The following UNC5D variants were observed in gnomAD, a reference collection of about 807,000 sequenced individuals.
UNC5D encodes netrin receptor UNC5D.
In UNC5D, 39 loss-of-function variants were observed where a neutral mutation model predicts 105.4. That is an observed-to-expected ratio of 0.37 (90% CI 0.29 to 0.48). The LOEUF (loss-of-function observed/expected upper bound fraction) is 0.48. Ranked by LOEUF, UNC5D falls within the 20% of genes least tolerant of loss-of-function variation. The pLI, the probability that UNC5D is intolerant of heterozygous loss-of-function variation, is 0.98. For synonymous variants in UNC5D, 452 were observed against 450.4 expected (o/e 1.00, Z -0.04); for missense variants, 991 against 1,202.4 (o/e 0.82, Z 2.60).
chr8:35,306,654 T>C (rs1254647825), intron 1 of UNC5D, among the ~76,000 whole-genome samples: 1 of 152,140 alleles, frequency 6.6e-6, no homozygotes, highest in Non-Finnish European at 1.5e-5. Context: ...TTACTTTAGA[T>C]TTACATTGGG....
At chr8:35,455,706 C>T (rs1585882897) in intron 1 of UNC5D, among the ~76,000 whole-genome samples, 1 of 151,504 alleles carries the variant, frequency 6.6e-6, no homozygotes, top group Non-Finnish European at 1.5e-5. Context: ...CTGTAATGGA[C>T]TCACCATTCC....
chr8:35,405,085 T>C (rs1327144200), intron 1 of UNC5D, among the ~76,000 whole-genome samples: 2 of 152,202 alleles, frequency 1.3e-5, no homozygotes, highest in East Asian at 3.8e-4. Context: ...TAAAGCTTTT[T>C]AGAAACAATA....
intron 2 of UNC5D, among the ~76,000 whole-genome samples, chr8:35,561,420 T>C (rs1357896937): frequency 6.6e-6 from 1 of 152,204 alleles, no homozygotes; most frequent in Non-Finnish European, 1.5e-5. Context: ...TCTGGCTCTA[T>C]GTGGCTTGCT....
chr8:35,431,860 T>C (rs1585829034), intron 1 of UNC5D, among the ~76,000 whole-genome samples: 1 of 152,088 alleles, frequency 6.6e-6, no homozygotes, highest in South Asian at 2.1e-4. Context: ...CGGATTTAAC[T>C]CAAATAATAG....
chr8:35,373,579 G>A (rs549872879), intron 1 of UNC5D, among the ~76,000 whole-genome samples: 4 of 152,272 alleles, frequency 2.6e-5, no homozygotes, highest in Admixed American at 2.0e-4. Context: ...GTGCGATAAA[G>A]CTGACAATTC....
At chr8:35,408,389 T>C (rs1554524333) in intron 1 of UNC5D, among the ~76,000 whole-genome samples, 1 of 151,530 alleles carries the variant, frequency 6.6e-6, no homozygotes. Flanking sequence ...ATTTTAACAA[T>C]GATAGTCTTA....
At chr8:35,606,350 A>G (rs900651879) in intron 4 of UNC5D, among the ~76,000 whole-genome samples, 24 of 152,284 alleles carry the variant, frequency 1.6e-4, no homozygotes, top group African/African-American at 5.8e-4. Context: ...TGACCGAACC[A>G]ATATTGATAC....
chr8:35,595,010 T>TA (rs1443019029), intron 3 of UNC5D, among the ~76,000 whole-genome samples: 1 of 152,232 alleles, frequency 6.6e-6, no homozygotes, highest in East Asian at 1.9e-4. Flanking sequence ...GGATAGGTTA[T>TA]AGATTTTGTT....
chr8:35,319,960 C>T (rs1375712591), intron 1 of UNC5D, among the ~76,000 whole-genome samples: 1 of 152,058 alleles, frequency 6.6e-6, no homozygotes, highest in Non-Finnish European at 1.5e-5. Flanking sequence ...TCTAGACTCA[C>T]TGACCGTAAG....
chr8:35,725,685 T>C (rs914291103), intron 9 of UNC5D, among the ~76,000 whole-genome samples: 2 of 152,148 alleles, frequency 1.3e-5, no homozygotes, highest in Admixed American at 1.3e-4. Context: ...GTAGCTTCTG[T>C]TATAAACAGC....
At chr8:35,474,423 A>G (rs545926380) in intron 1 of UNC5D, among the ~76,000 whole-genome samples, 7 of 152,322 alleles carry the variant, frequency 4.6e-5, no homozygotes, top group Non-Finnish European at 8.8e-5. Context: ...AGAGATAGCG[A>G]CTGTTGAGAG....
intron 8 of UNC5D, among the ~76,000 whole-genome samples, chr8:35,717,863 A>G (rs1022141236): frequency 6.6e-6 from 1 of 152,218 alleles, no homozygotes; most frequent in Non-Finnish European, 1.5e-5. Context: ...CATTTTATGT[A>G]TTCAAGATCA....
chr8:35,562,836 A>G (rs1817055665), intron 2 of UNC5D, among the ~76,000 whole-genome samples: 1 of 151,900 alleles, frequency 6.6e-6, no homozygotes, highest in Non-Finnish European at 1.5e-5. Context: ...CTATTTTTAC[A>G]TTGGTTACCA....
intron 1 of UNC5D, among the ~76,000 whole-genome samples, chr8:35,315,378 A>G (rs1199850408): frequency 6.6e-6 from 1 of 152,122 alleles, no homozygotes. Context: ...TTCATCTGGG[A>G]TGGCCTCATT....
intron 3 of UNC5D, among the ~76,000 whole-genome samples, chr8:35,588,915 C>T (rs1435550239): frequency 1.3e-5 from 2 of 152,006 alleles, no homozygotes; most frequent in African/African-American, 2.4e-5. Flanking sequence ...TGGTGGCACA[C>T]GCTTGTAATC....
intron 1 of UNC5D, among the ~76,000 whole-genome samples, chr8:35,495,031 C>CCAGTGAGGGT (rs1811455697): frequency 6.6e-6 from 1 of 152,012 alleles, no homozygotes; most frequent in Non-Finnish European, 1.5e-5. Flanking sequence ...AAAATTCCCT[C>CCAGTGAGGGT]CCAGGGGACC....
At chr8:35,504,482 A>G (rs1812182806) in intron 1 of UNC5D, among the ~76,000 whole-genome samples, 1 of 152,168 alleles carries the variant, frequency 6.6e-6, no homozygotes, top group Non-Finnish European at 1.5e-5. Flanking sequence ...TTGCTTGTGA[A>G]TGGTGGAGAG....
chr8:35,468,186 C>T (rs962142669), intron 1 of UNC5D, among the ~76,000 whole-genome samples: 7 of 151,962 alleles, frequency 4.6e-5, no homozygotes, highest in African/African-American at 1.7e-4. Context: ...TAGGGATTGC[C>T]CTATATTAGA....
At chr8:35,482,617 C>A (rs546921855) in intron 1 of UNC5D, among the ~76,000 whole-genome samples, 1 of 151,948 alleles carries the variant, frequency 6.6e-6, no homozygotes, top group African/African-American at 2.4e-5. Flanking sequence ...ATTAATTTGA[C>A]CAACATTTAA....
Sources: gnomAD v4.1 joint callset for allele counts (sites outside exome capture counted in the v4.1 genomes callset) on GRCh38, gnomAD v4.1.1 for gene constraint, MANE v1.5 for transcripts, NCBI Gene and HGNC (gene_info 2026-07-23, HGNC 2026-07-21) for gene names.